Variants in MACROD2 observed in about 807,000 individuals in gnomAD.
MACROD2 encodes mono-ADP ribosylhydrolase 2, also known as ADP-ribose glycohydrolase MACROD2.
A neutral mutation model predicts 70.4 loss-of-function variants in MACROD2; 36 were observed. That is an observed-to-expected ratio of 0.51 (90% CI 0.39 to 0.68). The LOEUF (loss-of-function observed/expected upper bound fraction) is 0.68. Ranked by LOEUF, MACROD2 falls within the 30% of genes least tolerant of loss-of-function variation. The pLI is 0.00. For synonymous variants in MACROD2, 172 were observed against 178.8 expected (o/e 0.96, Z 0.30); for missense variants, 496 against 538.4 (o/e 0.92, Z 0.78).
intron 4 of MACROD2, among the ~76,000 whole-genome samples, chr20:14,556,673 A>G (rs1256080131): frequency 2.6e-5 from 4 of 152,114 alleles, no homozygotes; most frequent in South Asian, 4.1e-4. Context: ...ACATGGGTAT[A>G]TTGTTATTTT....
intron 5 of MACROD2, among the ~76,000 whole-genome samples, chr20:14,918,511 G>T (rs764563849): frequency 4.6e-5 from 7 of 152,142 alleles, no homozygotes; most frequent in Non-Finnish European, 7.3e-5. Context: ...ATGTAGGTCA[G>T]CTGGCACAGG....
rs147348353 is a variant in MACROD2 at position 14,853,173 on chromosome 20, C to CTGTGTGTGTG, written c.418+168232_418+168241dup. ...GTGTGAACAGTGTGTGTGTGTGTGT[C>CTGTGTGTGTG]TGTGTGTGTGTGTGTGTGTGTGTGT... On this transcript the variant is annotated intron_variant, in intron 5 of 17. Coordinates refer to ENST00000684519, the MANE Select transcript of MACROD2 (RefSeq NM_001351661.2). Among the ~76,000 whole-genome samples the CTGTGTGTGTG allele has an allele frequency of 4.5e-3, 675 of 149,340 alleles. 6 individuals are homozygous for CTGTGTGTGTG. The highest frequency in any genetic ancestry group is 0.016 in the African/African-American group (634 of 40,432).
intron 3 of MACROD2, among the ~76,000 whole-genome samples, chr20:14,384,541 T>C (rs866025436): frequency 6.6e-6 from 1 of 152,268 alleles, no homozygotes; most frequent in African/African-American, 2.4e-5. Context: ...CTACATTCCA[T>C]TGCAGTTGAT....
At chr20:14,684,739 T>A in intron 4 of MACROD2, 104 bp from the exon 5 acceptor site, 1 of 888,702 alleles carries the variant, frequency 1.1e-6, no homozygotes, top group Non-Finnish European at 1.8e-6. Flanking sequence ...GGGCTATGGT[T>A]ATTTACAGGA....
chr20:15,914,387 C>A (rs1338365343), intron 10 of MACROD2, among the ~76,000 whole-genome samples: 1 of 152,168 alleles, frequency 6.6e-6, no homozygotes, highest in Non-Finnish European at 1.5e-5. Context: ...GACGTCAGAA[C>A]CTGGACATGA....
chr20:15,231,394 C>T (rs1257433701), intron 6 of MACROD2, among the ~76,000 whole-genome samples: 1 of 151,924 alleles, frequency 6.6e-6, no homozygotes, highest in Non-Finnish European at 1.5e-5. Context: ...CAGGTATGCA[C>T]ATTTAGGGAA....
At chr20:15,838,266 T>G (rs1313131937) in intron 8 of MACROD2, among the ~76,000 whole-genome samples, 1 of 152,170 alleles carries the variant, frequency 6.6e-6, no homozygotes, top group Non-Finnish European at 1.5e-5. Context: ...CCCAATGCTC[T>G]TCAGTGTAGG....
At chr20:15,007,694 C>A (rs2075050752) in intron 5 of MACROD2, among the ~76,000 whole-genome samples, 1 of 152,222 alleles carries the variant, frequency 6.6e-6, no homozygotes, top group African/African-American at 2.4e-5. Flanking sequence ...ACTCCCGGAA[C>A]AAATACTCTG....
intron 6 of MACROD2, among the ~76,000 whole-genome samples, chr20:15,234,705 C>T (rs2076998427): frequency 6.6e-6 from 1 of 151,938 alleles, no homozygotes; most frequent in Non-Finnish European, 1.5e-5. Flanking sequence ...CTAAAACATA[C>T]TAACAGAAAT....
rs538534035 is a variant in MACROD2 at position 14,464,548 on chromosome 20, G to A, written c.272-28931G>A. ...TCTCTGTTTCCTTCAGTTCTGCTCC[G>A]ATCTTAGTTATTTCTTGCCTTCTGC... On this transcript the variant is annotated intron_variant, in intron 3 of 17. Coordinates refer to ENST00000684519, the MANE Select transcript of MACROD2 (RefSeq NM_001351661.2). Among the ~76,000 whole-genome samples the A allele has an allele frequency of 3.3e-5, 5 of 152,034 alleles. 1 individual carries two copies. Among genetic ancestry groups the A allele is most frequent in the Non-Finnish European group, 7.4e-5 (5 of 67,992 alleles).
intron 3 of MACROD2, among the ~76,000 whole-genome samples, chr20:14,472,966 A>T (rs915945883): frequency 1.3e-5 from 2 of 152,126 alleles, no homozygotes; most frequent in African/African-American, 4.8e-5. Context: ...GGAGAGGTAG[A>T]TTCGGACTTT....
chr20:14,890,540 G>A (rs1251006567), intron 5 of MACROD2, among the ~76,000 whole-genome samples: 1 of 152,030 alleles, frequency 6.6e-6, no homozygotes, highest in Non-Finnish European at 1.5e-5. Context: ...GAACAAGATA[G>A]GAGAATCTCT....
intron 5 of MACROD2, among the ~76,000 whole-genome samples, chr20:14,880,036 A>T (rs570641307): frequency 1.3e-5 from 2 of 152,076 alleles, no homozygotes; most frequent in Non-Finnish European, 2.9e-5. Context: ...TTCGTTTTGG[A>T]TGAGAAATAT....
intron 7 of MACROD2, among the ~76,000 whole-genome samples, chr20:15,487,154 A>C (rs1430547617): frequency 6.6e-6 from 1 of 152,204 alleles, no homozygotes; most frequent in Non-Finnish European, 1.5e-5. Flanking sequence ...GTCAACATTG[A>C]TGGGGCAGGG....
At chr20:14,366,181 T>C (rs2083270032) in intron 3 of MACROD2, among the ~76,000 whole-genome samples, 1 of 152,192 alleles carries the variant, frequency 6.6e-6, no homozygotes, top group Non-Finnish European at 1.5e-5. Flanking sequence ...ATTCTATTTA[T>C]TGTTAAAAGC....
intron 5 of MACROD2, among the ~76,000 whole-genome samples, chr20:15,093,425 A>G (rs540239261): frequency 8.6e-5 from 13 of 150,976 alleles, no homozygotes; most frequent in Non-Finnish European, 1.2e-4. Context: ...CTTCTTTCTC[A>G]TTTCTTTGCT....
chr20:14,607,054 A>G (rs1568695731), intron 4 of MACROD2, among the ~76,000 whole-genome samples: 1 of 152,114 alleles, frequency 6.6e-6, no homozygotes, highest in Non-Finnish European at 1.5e-5. Flanking sequence ...TTGAGATACC[A>G]TATCTTAATG....
At chr20:14,712,865 A>G (rs1161288668) in intron 5 of MACROD2, among the ~76,000 whole-genome samples, 1 of 152,176 alleles carries the variant, frequency 6.6e-6, no homozygotes, top group Non-Finnish European at 1.5e-5. Context: ...ATTTGGTAGA[A>G]GTTCTTACCC....
At chr20:14,630,342 G>T (rs1355913033) in intron 4 of MACROD2, among the ~76,000 whole-genome samples, 1 of 152,220 alleles carries the variant, frequency 6.6e-6, no homozygotes, top group Non-Finnish European at 1.5e-5. Flanking sequence ...AACTTAGGCT[G>T]TAAGAGAAGT....
Sources: gnomAD v4.1 joint callset for allele counts (sites outside exome capture counted in the v4.1 genomes callset) on GRCh38, gnomAD v4.1.1 for gene constraint, MANE v1.5 for transcripts, NCBI Gene and HGNC (gene_info 2026-07-23, HGNC 2026-07-21) for gene names.